The following NCKAP5 variants were observed in gnomAD, a reference collection of about 807,000 sequenced individuals.
NCKAP5 encodes nck-associated protein 5.
A neutral mutation model predicts 167.0 loss-of-function variants in NCKAP5; 92 were observed. The observed-to-expected ratio is 0.55, with a 90% confidence interval of 0.47 to 0.66. The LOEUF (loss-of-function observed/expected upper bound fraction) is 0.66. Among genes scored for constraint, NCKAP5 ranks in the 30% least tolerant of loss-of-function variants. The probability of loss-of-function intolerance (pLI) is 0.00; values close to 1 mark genes in which losing one functional copy is unlikely to be tolerated. For missense variants in NCKAP5, 2,378 were observed against 2,315.0 expected, an observed-to-expected ratio of 1.03 and a Z score of -0.56; for synonymous variants, 891 against 877.4, an observed-to-expected ratio of 1.02 and a Z score of -0.27.
At chr2:133,426,900 A>T (rs1246115773) in intron 3 of NCKAP5, among the ~76,000 whole-genome samples, 1 of 152,224 alleles carries the variant, frequency 6.6e-6, no homozygotes, top group South Asian at 2.1e-4. Context: ...AAATTTTTAA[A>T]ATAAGTAGAT....
At position 132,785,263 on chromosome 2, in the gene NCKAP5, T is replaced by C. The variant is rs1009018608; in HGVS notation, c.1548A>G (p.Thr516=). The C allele has an allele frequency of 6.3e-7, 1 of 1,577,564 alleles. No individual in the cohort carries two copies. The highest frequency in any genetic ancestry group is 8.6e-7 in the Non-Finnish European group (1 of 1,162,170). ...TGCCTTCCAGAAAGTGTTTTCTGTT[T>C]GTCTCCCAGCCAAACAGACTGTCGG... is the stretch of plus-strand genomic sequence containing the variant. The part of the protein sequence containing the change: ...SVSDSLFGWE[T]NRKHFLEGTS... The change falls in exon 14 of 20, where the codon ACA becomes ACG. Residue 516 remains threonine (T), a synonymous_variant. Coordinates refer to ENST00000409261, the MANE Select transcript of NCKAP5 (RefSeq NM_207363.3).
At chr2:132,702,958 C>G (rs1688018306) in intron 19 of NCKAP5, among the ~76,000 whole-genome samples, 1 of 152,140 alleles carries the variant, frequency 6.6e-6, no homozygotes, top group African/African-American at 2.4e-5. Flanking sequence ...GCAGAAGGAT[C>G]TCTTGAGGGT....
At chr2:132,980,350 C>A (rs2077096826) in intron 7 of NCKAP5, among the ~76,000 whole-genome samples, 1 of 152,124 alleles carries the variant, frequency 6.6e-6, no homozygotes. Context: ...TTTAAAAAAT[C>A]CTCATGCCCA....
intron 1 of NCKAP5, among the ~76,000 whole-genome samples, chr2:133,562,621 A>C (rs1180528073): frequency 6.6e-6 from 1 of 152,208 alleles, no homozygotes. Flanking sequence ...TTCCCAGTGT[A>C]TGCTCCAAAA....
rs371665873 is a variant in NCKAP5 at position 132,728,891 on chromosome 2, G to T, written c.5505C>A (p.Phe1835Leu). The change falls in exon 18 of 20, where the codon TTC becomes TTA. Residue 1835 changes from phenylalanine (F) to leucine (L), a missense_variant. Phe to Leu is a conservative substitution (Grantham distance 22, BLOSUM62 0). This residue lies in a region of NCKAP5 where 1,325 missense variants were observed against 1,274.5 expected (regional missense o/e 1.04). Coordinates refer to ENST00000409261, the MANE Select transcript of NCKAP5 (RefSeq NM_207363.3). ...TTGCCATTGGGTCTTCAGCATATCC[G>T]AATGATGAGCATGTCTGAGGCCTTG... is the stretch of plus-strand genomic sequence containing the variant. Reference protein sequence around the residue: ...AEPRPQTCSSFGYAEDPMASQ... With the variant: ...AEPRPQTCSSLGYAEDPMASQ... 2 of 1,613,820 alleles carry T rather than the reference G, an allele frequency of 1.2e-6. No homozygotes were observed. The highest frequency in any genetic ancestry group is 2.2e-5 in the East Asian group (1 of 44,892).
chr2:132,934,959 G>A (rs1696727273), intron 8 of NCKAP5, among the ~76,000 whole-genome samples: 1 of 152,208 alleles, frequency 6.6e-6, no homozygotes. Flanking sequence ...ATCTAATTAA[G>A]GTTATGTTAT....
intron 8 of NCKAP5, among the ~76,000 whole-genome samples, chr2:132,916,372 T>A (rs1343598045): frequency 6.6e-6 from 1 of 151,990 alleles, no homozygotes; most frequent in African/African-American, 2.4e-5. Context: ...AGGCCACTGT[T>A]ACAAACGGAT....
chr2:132,967,549 G>C (rs1256137034), intron 7 of NCKAP5, among the ~76,000 whole-genome samples: 1 of 152,138 alleles, frequency 6.6e-6, no homozygotes, highest in African/African-American at 2.4e-5. Flanking sequence ...ATAGAGAAAA[G>C]CTTTTTGAGA....
chr2:133,166,532 C>T (rs1041101938), intron 5 of NCKAP5, among the ~76,000 whole-genome samples: 1 of 152,168 alleles, frequency 6.6e-6, no homozygotes. Flanking sequence ...CTTTATGTAA[C>T]TTTTCCCTAT....
chr2:133,619,823 C>T, the NCKAP5 span, among the ~76,000 whole-genome samples: 3 of 151,888 alleles, frequency 2.0e-5, no homozygotes, highest in Non-Finnish European at 2.9e-5. Context: ...AAAGTCAAGA[C>T]GAAGGAAAAC....
chr2:132,712,126 C>A (rs1274028814), intron 19 of NCKAP5, among the ~76,000 whole-genome samples: 1 of 152,160 alleles, frequency 6.6e-6, no homozygotes, highest in Non-Finnish European at 1.5e-5. Context: ...TTATCAATTA[C>A]CCTCACAGAA....
At chr2:133,069,907 C>T (rs906081281) in intron 6 of NCKAP5, among the ~76,000 whole-genome samples, 3 of 151,866 alleles carry the variant, frequency 2.0e-5, no homozygotes, top group African/African-American at 7.3e-5. Context: ...CATTCAGATT[C>T]TAGTATTTGC....
chr2:133,408,211 C>T (rs1688560074), intron 3 of NCKAP5, among the ~76,000 whole-genome samples: 1 of 152,180 alleles, frequency 6.6e-6, no homozygotes, highest in Non-Finnish European at 1.5e-5. Flanking sequence ...AGGAGAGGCA[C>T]AGAAGCCTTG....
intron 7 of NCKAP5, among the ~76,000 whole-genome samples, chr2:132,977,540 C>T (rs1395020123): frequency 6.6e-6 from 1 of 152,210 alleles, no homozygotes; most frequent in Admixed American, 6.5e-5. Flanking sequence ...GACTCAAAGA[C>T]TAACTCCCAA....
chr2:133,139,368 G>A (rs1376311263), intron 5 of NCKAP5, among the ~76,000 whole-genome samples: 1 of 152,182 alleles, frequency 6.6e-6, no homozygotes, highest in Non-Finnish European at 1.5e-5. Context: ...CATATTTTGG[G>A]GGTTAGTGAA....
chr2:132,689,635 C>T (rs1686461962), intron 19 of NCKAP5, among the ~76,000 whole-genome samples: 1 of 152,114 alleles, frequency 6.6e-6, no homozygotes, highest in African/African-American at 2.4e-5. Context: ...GCAGGCATTG[C>T]TTATCAGTCT....
intron 2 of NCKAP5, among the ~76,000 whole-genome samples, chr2:133,519,181 A>G (rs1684271218): frequency 6.6e-6 from 1 of 152,088 alleles, no homozygotes; most frequent in Admixed American, 6.5e-5. Flanking sequence ...ATCATGAGAA[A>G]CTGATGGGCT....
chr2:133,523,105 C>CT (rs5834363), intron 2 of NCKAP5, among the ~76,000 whole-genome samples: 53,002 of 147,244 alleles, frequency 0.36, 10,052 homozygotes, highest in East Asian at 0.64. Flanking sequence ...CTTAATAACT[C>CT]TTTTTTTTTT....
chr2:132,828,034 T>C (rs145364173), intron 11 of NCKAP5, among the ~76,000 whole-genome samples: 3,645 of 152,252 alleles, frequency 0.024, 64 homozygotes, highest in Non-Finnish European at 0.039. Context: ...ATCTTGTTTA[T>C]TCATCTGTAA....
Sources: allele counts gnomAD v4.1 joint callset (sites outside exome capture counted in the v4.1 genomes callset), GRCh38; gene constraint gnomAD v4.1.1; regional missense constraint gnomAD v4.1.1; transcripts MANE v1.5; gene names NCBI Gene and HGNC (gene_info 2026-07-23, HGNC 2026-07-21).